Variants in ACBD5 observed in about 807,000 individuals in gnomAD.
ACBD5 encodes the protein acyl-CoA binding domain containing 5, also known as acyl-CoA-binding domain-containing protein 5.
In ACBD5, 40 loss-of-function variants were observed where a neutral mutation model predicts 71.8. That is an observed-to-expected ratio of 0.56 (90% CI 0.43 to 0.72). ACBD5 has a LOEUF of 0.72. Among genes scored for constraint, ACBD5 ranks in the 30% least tolerant of loss-of-function variants. The pLI is 0.00. For missense variants in ACBD5, 559 were observed against 644.5 expected (o/e 0.87, Z 1.44); for synonymous variants, 229 against 218.6 (o/e 1.05, Z -0.42).
chr10:27,240,250 C>A lies in ACBD5; in HGVS notation c.181+69G>T, dbSNP rs1052079923. 3 of 1,612,774 alleles carry A rather than the reference C, an allele frequency of 1.9e-6. No homozygotes were observed. The highest frequency in any genetic ancestry group is 1.1e-5 in the South Asian group (1 of 91,018). On this transcript the variant is annotated intron_variant, in intron 2 of 12. Coordinates refer to ENST00000396271, the MANE Select transcript of ACBD5 (RefSeq NM_145698.5). This position sits in a 1 kb window ranked among gnomAD's most constrained non-coding sequence, Gnocchi z 4.1. ...AAAGGCTAAATAAACAACACTAGAA[C>A]CAGAAAGTGAAAGGGGGCTTTGGGG...
intron 12 of ACBD5, among the ~76,000 whole-genome samples, chr10:27,203,416 TC>T (rs1267060687): frequency 6.6e-6 from 1 of 152,164 alleles, no homozygotes; most frequent in African/African-American, 2.4e-5. Context: ...TACCTTGTCA[TC>T]CCAAACTGGA....
rs1413850988 is a variant in ACBD5, at chr10:27,195,256, A to T, written c.*2174T>A. The T allele has an allele frequency of 4.8e-6, 2 of 419,368 alleles. No homozygotes were observed. The highest frequency in any genetic ancestry group is 9.2e-6 in the Non-Finnish European group (2 of 216,508). 26.0% of individuals were successfully genotyped at this position (419,368 alleles called of 1,614,324 possible). On this transcript the variant is annotated 3_prime_UTR_variant, in exon 13 of 13. Coordinates refer to ENST00000396271, the MANE Select transcript of ACBD5 (RefSeq NM_145698.5). ...TTTATTTTTAACTTAGTTTTACAAT[A>T]AACAGAAAAGAAGTTATCATTAAAA...
In ACBD5 at chr10:27,224,842, C is replaced by T. The variant is rs187286565; in HGVS notation, c.376-1390G>A. ...GGTCAGGAGTTTGAGACCAGCCTGT[C>T]CAACATGGTGAAACCCCATCTCTAC... is the stretch of plus-strand genomic sequence containing the variant. On this transcript the variant is annotated intron_variant, in intron 4 of 12. Coordinates refer to ENST00000396271, the MANE Select transcript of ACBD5 (RefSeq NM_145698.5). Among the ~76,000 whole-genome samples, 429 of 152,124 alleles carry T rather than the reference C, an allele frequency of 2.8e-3. 7 individuals carry two copies. The highest frequency in any genetic ancestry group is 0.027 in the Admixed American group (405 of 15,262).
At chr10:27,193,359 G>A (rs2059163407), downstream of ACBD5, 1 of 151,948 alleles carries the variant, frequency 6.6e-6, no homozygotes, top group Non-Finnish European at 1.5e-5. Flanking sequence ...CTGGGAGGCG[G>A]AGGTTGCAGT....
chr10:27,238,851 T>A (rs1000441831), intron 2 of ACBD5, among the ~76,000 whole-genome samples: 1 of 152,248 alleles, frequency 6.6e-6, no homozygotes, highest in Non-Finnish European at 1.5e-5. Flanking sequence ...ATTGTTGTAT[T>A]CAGTTAGTTT....
At chr10:27,235,801 A>G (rs2064594785) in intron 2 of ACBD5, among the ~76,000 whole-genome samples, 1 of 152,184 alleles carries the variant, frequency 6.6e-6, no homozygotes, top group Admixed American at 6.6e-5. Context: ...GCATATCTAT[A>G]GTTTTTCTCA....
At chr10:27,222,396 T>C (rs969079284) in intron 5 of ACBD5, among the ~76,000 whole-genome samples, 13 of 112,562 alleles carry the variant, frequency 1.2e-4, no homozygotes, top group African/African-American at 3.6e-4. Flanking sequence ...TTTGTGTACA[T>C]GAAGACAAAA....
At chr10:27,206,847 C>T (rs1228276571) in intron 10 of ACBD5, among the ~76,000 whole-genome samples, 1 of 151,788 alleles carries the variant, frequency 6.6e-6, no homozygotes, top group Non-Finnish European at 1.5e-5. Flanking sequence ...TTTCCTTATA[C>T]ACCTTCTTGA....
intron 4 of ACBD5, among the ~76,000 whole-genome samples, chr10:27,224,357 C>A (rs1430852652): frequency 6.6e-6 from 1 of 152,034 alleles, no homozygotes; most frequent in Non-Finnish European, 1.5e-5. Context: ...CCAGCCTAGG[C>A]AACAGAGCGA....
chr10:27,183,766 G>A (rs975975567), intron 13 of ACBD5, among the ~76,000 whole-genome samples: 1 of 151,722 alleles, frequency 6.6e-6, no homozygotes. Flanking sequence ...CGCCCAGGCT[G>A]GAATGTAGTA....
intron 13 of ACBD5, chr10:27,186,886 T>C (rs1231635885): frequency 1.0e-5 from 3 of 285,992 alleles, no homozygotes; most frequent in Non-Finnish European, 2.0e-5. Context: ...CTGTTCAGTT[T>C]AGCATTAAAA....
At chr10:27,186,340 T>A (rs2058747741) in intron 13 of ACBD5, 1 of 1,574,058 alleles carries the variant, frequency 6.4e-7, no homozygotes, top group African/African-American at 1.4e-5. Context: ...CTTACTTAGG[T>A]AATGATATCA....
intron 2 of ACBD5, among the ~76,000 whole-genome samples, chr10:27,238,923 C>T (rs1408374721): frequency 5.9e-5 from 9 of 152,150 alleles, no homozygotes; most frequent in East Asian, 1.9e-4. Context: ...TTGGGCCGGG[C>T]GCGGTGGCTC....
At chr10:27,223,839 G>T (rs897482137) in intron 4 of ACBD5, among the ~76,000 whole-genome samples, 11 of 151,880 alleles carry the variant, frequency 7.2e-5, no homozygotes, top group African/African-American at 2.7e-4. Flanking sequence ...GAGCCTGGGA[G>T]GTCGAGGCTA....
At chr10:27,206,782 CTGAAATT>C (rs1589055073) in intron 10 of ACBD5, among the ~76,000 whole-genome samples, 1 of 151,942 alleles carries the variant, frequency 6.6e-6, no homozygotes, top group East Asian at 2.0e-4. Context: ...TCCCAAAGTG[CTGAAATT>C]ACAGGTGTGA....
rs139009500 is a variant in ACBD5, at chr10:27,219,674, C to G, written c.625+49G>C. 3.4e-5 allele frequency: 55 copies of G among 1,608,178 alleles called. No individual in the cohort carries two copies. The African/African-American group carries it at 5.3e-4, about 16-fold the overall frequency. ...AAATCAGCCCAAATGTCTTCATACC[C>G]TCTTAGTTTATTTATTGCAAAATTA... On this transcript the variant is annotated intron_variant, in intron 6 of 12. Coordinates refer to ENST00000396271, the MANE Select transcript of ACBD5 (RefSeq NM_145698.5).
rs376622124 is a variant in ACBD5 at position 27,184,376 on chromosome 10, A to C, written c.1494-1661T>G. 5.3e-5 allele frequency among the ~76,000 whole-genome samples: 8 copies of C among 152,196 alleles called. No individual in the cohort carries two copies. The East Asian group carries it at 1.4e-3, about 26-fold the overall frequency. On this transcript the variant is annotated intron_variant, in intron 13 of 13. Coordinates refer to the ACBD5 transcript ENST00000676511. The stretch of plus-strand genomic sequence containing the variant: ...AGCTCTAGCTTTTTCAAGGCACTTC[A>C]GACTTAGATTATACTACTTAAAACA...
chr10:27,224,129 A>G (rs991665414), intron 4 of ACBD5, among the ~76,000 whole-genome samples: 1 of 151,358 alleles, frequency 6.6e-6, no homozygotes, highest in Non-Finnish European at 1.5e-5. Flanking sequence ...TTGGCAGGCC[A>G]AAGCAGGAGG....
chr10:27,238,369 T>G (rs2065035026), intron 2 of ACBD5, among the ~76,000 whole-genome samples: 1 of 152,242 alleles, frequency 6.6e-6, no homozygotes, highest in Non-Finnish European at 1.5e-5. Context: ...GTACATAATG[T>G]CAACAGGCAT....
Sources: gnomAD v4.1 joint callset for allele counts (sites outside exome capture counted in the v4.1 genomes callset) on GRCh38, gnomAD v4.1.1 for gene constraint, Gnocchi (gnomAD v3.1) non-coding constraint, MANE v1.5 for transcripts, NCBI Gene and HGNC (gene_info 2026-07-23, HGNC 2026-07-21) for gene names.